UBE2E2: variants seen among roughly 807,000 people sequenced by gnomAD.
The protein encoded by UBE2E2 is ubiquitin-conjugating enzyme E2 E2.
UBE2E2 carries 6 observed loss-of-function variants against 24.7 expected under a neutral mutation model. That is an observed-to-expected ratio of 0.24 (90% CI 0.13 to 0.48). The LOEUF (loss-of-function observed/expected upper bound fraction) is 0.48, where lower values mean the gene tolerates loss of function less well. Ranked by LOEUF, UBE2E2 falls within the 20% of genes least tolerant of loss-of-function variation. UBE2E2 has a pLI of 0.99. For synonymous variants in UBE2E2, 104 were observed against 83.6 expected (o/e 1.24, Z -1.33); for missense variants, 169 against 245.0 (o/e 0.69, Z 2.07).
At chr3:23,481,029 A>G (rs940731155) in intron 3 of UBE2E2, among the ~76,000 whole-genome samples, 4 of 152,244 alleles carry the variant, frequency 2.6e-5, no homozygotes, top group African/African-American at 4.8e-5. Context: ...ATTAGATACA[A>G]CATTTTAGCA....
At chr3:23,463,696 G>C (rs34080387) in intron 3 of UBE2E2, among the ~76,000 whole-genome samples, 91,083 of 151,916 alleles carry the variant, frequency 0.6, 28,179 homozygotes, top group African/African-American at 0.74. Flanking sequence ...AGTACATAAA[G>C]TGTATTATTT....
intron 3 of UBE2E2, among the ~76,000 whole-genome samples, chr3:23,296,509 C>T (rs902416480): frequency 6.6e-6 from 1 of 152,094 alleles, no homozygotes; most frequent in African/African-American, 2.4e-5. Context: ...CTTCCTGTGC[C>T]CATGTGTTCT....
intron 3 of UBE2E2, among the ~76,000 whole-genome samples, chr3:23,301,731 G>A (rs1014920724): frequency 2.0e-5 from 3 of 152,162 alleles, no homozygotes; most frequent in Admixed American, 1.3e-4. Flanking sequence ...TTGGGGGTCA[G>A]GGACCCACTT....
At chr3:23,478,459 A>G (rs1290945107) in intron 3 of UBE2E2, among the ~76,000 whole-genome samples, 2 of 152,242 alleles carry the variant, frequency 1.3e-5, no homozygotes, top group Non-Finnish European at 2.9e-5. Flanking sequence ...CAAAAGAAAT[A>G]AGACTAAGTA....
At chr3:23,537,448 C>T (rs563673406) in intron 5 of UBE2E2, among the ~76,000 whole-genome samples, 2 of 152,278 alleles carry the variant, frequency 1.3e-5, no homozygotes, top group South Asian at 2.1e-4. Flanking sequence ...TGTATTAGAA[C>T]AGCAAATAGA....
intron 3 of UBE2E2, among the ~76,000 whole-genome samples, chr3:23,494,537 A>C (rs1453531756): frequency 1.3e-5 from 2 of 152,182 alleles, no homozygotes; most frequent in Non-Finnish European, 2.9e-5. Flanking sequence ...CTACCATATT[A>C]TACAGCAAAG....
intron 5 of UBE2E2, among the ~76,000 whole-genome samples, chr3:23,576,151 C>T (rs928628277): frequency 6.6e-6 from 1 of 152,090 alleles, no homozygotes; most frequent in East Asian, 1.9e-4. Flanking sequence ...TTATAATGCA[C>T]ATCTGTTATG....
chr3:23,513,310 A>G (rs1346467078), intron 4 of UBE2E2, among the ~76,000 whole-genome samples: 1 of 152,190 alleles, frequency 6.6e-6, no homozygotes, highest in Non-Finnish European at 1.5e-5. Context: ...ATTGCCCAGC[A>G]TTCCCGTTAC....
chr3:23,430,076 G>A (rs757626865), intron 3 of UBE2E2, among the ~76,000 whole-genome samples: 108 of 152,268 alleles, frequency 7.1e-4, no homozygotes, highest in Non-Finnish European at 1.1e-3. Context: ...CATGGTTATA[G>A]TAGTAGGAGT....
In UBE2E2 at chr3:23,353,470, A is replaced by T. The variant is rs540723981; in HGVS notation, c.227+136158A>T. On this transcript the variant is annotated intron_variant, in intron 3 of 5. Transcript: ENST00000396703. ...TGTCCCTGTTTGCAGATGACATGAT[A>T]GTATATCTAGAAAACCCCATCGTGT... Among the ~76,000 whole-genome samples the T allele has an allele frequency of 6.4e-4, 98 of 152,286 alleles. 1 individual carries two copies. The South Asian group carries it at 0.012, about 19-fold the overall frequency.
intron 3 of UBE2E2, among the ~76,000 whole-genome samples, chr3:23,308,391 C>T (rs561634138): frequency 8.6e-5 from 13 of 151,948 alleles, no homozygotes; most frequent in East Asian, 5.8e-4. Flanking sequence ...TCCTTCATTG[C>T]GAAGAATCCA....
In UBE2E2 at chr3:23,350,989, A is replaced by G. The variant is rs552634353; in HGVS notation, c.227+133677A>G. 2.6e-5 allele frequency among the ~76,000 whole-genome samples: 4 copies of G among 152,340 alleles called. No individual in the cohort carries two copies. The East Asian group carries it at 5.8e-4, about 22-fold the overall frequency. On this transcript the variant is annotated intron_variant, in intron 3 of 5. Transcript: ENST00000396703. ...AAATGTTAAGGGCAGCCAGAGAGAA[A>G]GGTCGGGTTACCCACAAAGGGAAGC... is the stretch of plus-strand genomic sequence containing the variant.
chr3:23,487,436 C>T (rs1699398473), intron 3 of UBE2E2, among the ~76,000 whole-genome samples: 1 of 152,190 alleles, frequency 6.6e-6, no homozygotes, highest in African/African-American at 2.4e-5. Context: ...ATCACCTGTT[C>T]CCTGCCCCTG....
At chr3:23,538,234 T>C (rs761758956) in intron 5 of UBE2E2, among the ~76,000 whole-genome samples, 2 of 152,148 alleles carry the variant, frequency 1.3e-5, no homozygotes, top group Admixed American at 1.3e-4. Context: ...GCACAACATA[T>C]AGCTAACTTC....
chr3:23,342,199 T>G (rs1695410775), intron 3 of UBE2E2, among the ~76,000 whole-genome samples: 1 of 151,896 alleles, frequency 6.6e-6, no homozygotes. Context: ...TTTTTTTTTT[T>G]TTTGAGACAG....
At chr3:23,224,755 T>G (rs74508753) in intron 3 of UBE2E2, among the ~76,000 whole-genome samples, 2,175 of 152,272 alleles carry the variant, frequency 0.014, 53 homozygotes, top group African/African-American at 0.05. Flanking sequence ...TGATGGATAT[T>G]TATATTGTTT....
chr3:23,515,120 GGTGTGTGTGTGTGTGTGT>G (rs58387270), intron 4 of UBE2E2, among the ~76,000 whole-genome samples: 3 of 148,116 alleles, frequency 2.0e-5, no homozygotes, highest in Non-Finnish European at 3.0e-5. Context: ...ATAAACTTGG[GGTGTGTGTGTGTGTGTGT>G]GTGTGTGTGT....
intron 3 of UBE2E2, among the ~76,000 whole-genome samples, chr3:23,489,035 T>C (rs1025421053): frequency 6.6e-6 from 1 of 152,196 alleles, no homozygotes; most frequent in Non-Finnish European, 1.5e-5. Context: ...CTGGTTTTTT[T>C]ACTTCAGTCT....
intron 5 of UBE2E2, among the ~76,000 whole-genome samples, chr3:23,559,827 ATTATT>A (rs1171261075): frequency 3.3e-5 from 5 of 152,148 alleles, no homozygotes; most frequent in Non-Finnish European, 5.9e-5. Context: ...GTTCTCCAGT[ATTATT>A]TTATTACTGA....
Sources: gnomAD v4.1 joint callset for allele counts (sites outside exome capture counted in the v4.1 genomes callset) on GRCh38, gnomAD v4.1.1 for gene constraint, MANE v1.5 for transcripts, NCBI Gene and HGNC (gene_info 2026-07-23, HGNC 2026-07-21) for gene names.